FMR1: variants seen among roughly 807,000 people sequenced by gnomAD.
FMR1 encodes FMRP translational regulator 1.
A neutral mutation model predicts 50.6 loss-of-function variants in FMR1; 13 were observed. The observed-to-expected ratio is 0.26, with a 90% CI of 0.17 to 0.41. The LOEUF is 0.41. Ranked by LOEUF, FMR1 falls within the 10% of genes least tolerant of loss-of-function variation. FMR1 has a pLI of 1.00. For synonymous variants in FMR1, 138 were observed against 164.1 expected (o/e 0.84, Z 1.22); for missense variants, 316 against 491.3 (o/e 0.64, Z 3.37).
At chrX:147,920,193 G>A (rs2043089533) in intron 1 of FMR1, among the ~76,000 whole-genome samples, 2 of 111,618 alleles carry the variant, frequency 1.8e-5, no homozygotes, top group African/African-American at 6.5e-5. Flanking sequence ...TTTTTTGTAT[G>A]CAGTATGAGG....
In FMR1 at chrX:147,937,497, A is replaced by G. The variant is rs782705051; in HGVS notation, c.1022A>G (p.Asn341Ser). ...ATGCCACCAAATTCCCTTCCTTCCA[A>G]TAATTCAAGGGTTGGACCTAATGCC... ...EIMPPNSLPS[N>S]NSRVGPNAPE... is the part of the protein sequence containing the mutation. Residue 341 changes from asparagine (N) to serine (S), a missense_variant, in exon 11 of 17, where the codon AAT becomes AGT. This residue lies in a region of FMR1 where 53 missense variants were observed against 51.5 expected (regional missense o/e 1.03). Coordinates refer to ENST00000370475, the MANE Select transcript of FMR1 (RefSeq NM_002024.6). 1.7e-5 allele frequency: 21 copies of G among 1,203,556 alleles called. No homozygotes were observed. The highest frequency in any genetic ancestry group is 2.2e-5 in the Non-Finnish European group (20 of 890,055).
At chrX:147,923,495 A>T (rs1434748975) in intron 2 of FMR1, among the ~76,000 whole-genome samples, 3 of 107,329 alleles carry the variant, frequency 2.8e-5, no homozygotes, top group African/African-American at 6.9e-5. Context: ...TTTATTTGCT[A>T]CTCTTTTAGT....
intron 9 of FMR1, among the ~76,000 whole-genome samples, chrX:147,935,093 T>A (rs1277180459): frequency 8.9e-6 from 1 of 112,079 alleles, no homozygotes; most frequent in African/African-American, 3.2e-5. Flanking sequence ...AGATCTTTAT[T>A]AAAGTCAACA....
At chrX:147,923,615 T>G (rs1370672629) in intron 2 of FMR1, among the ~76,000 whole-genome samples, 1 of 112,210 alleles carries the variant, frequency 8.9e-6, no homozygotes, top group African/African-American at 3.2e-5. Context: ...CTTTTTAATT[T>G]TCAATCAGAT....
intron 1 of FMR1, chrX:147,912,721 G>C (rs146302130): frequency 0.027 from 7,962 of 296,845 alleles, 98 homozygotes; most frequent in South Asian, 0.072. Flanking sequence ...TCTCTTTTCC[G>C]GTCTAGCATT....
intron 14 of FMR1, chrX:147,943,557 A>G: frequency 2.4e-6 from 1 of 412,550 alleles, no homozygotes; most frequent in Non-Finnish European, 4.2e-6. Context: ...GTAAATCTGC[A>G]AAGCCCTTGT....
chrX:147,919,540 A>G (rs2043053256), intron 1 of FMR1, among the ~76,000 whole-genome samples: 1 of 112,634 alleles, frequency 8.9e-6, no homozygotes, highest in African/African-American at 3.2e-5. Context: ...AAAAATAAGC[A>G]AGATCAAAAT....
Position 147,948,687 on chromosome X carries a change from G to A in FMR1, c.1742G>A (p.Arg581Lys), listed in dbSNP as rs1557182616. The A allele has an allele frequency of 8.3e-7, 1 of 1,211,690 alleles. No homozygotes were observed. Among genetic ancestry groups the A allele is most frequent in the South Asian group, 1.8e-5 (1 of 56,983 alleles). Reference sequence around the variant, plus strand: ...AACAACTATAACTTGTTTTAGATCAGAGTTGACTGCAATAATGAAAGGAGT... The same window carrying A: ...AACAACTATAACTTGTTTTAGATCAAAGTTGACTGCAATAATGAAAGGAGT... ...GRTTDGSLQI[R>K]VDCNNERSVH... Residue 581 changes from arginine to lysine, a missense_variant, in exon 17 of 17, where the codon AGA becomes AAA. By Grantham distance (26) the Arg-to-Lys change is conservative. Transcript: ENST00000370475.
At chrX:147,916,978 C>T (rs1557175368) in intron 1 of FMR1, among the ~76,000 whole-genome samples, 1 of 112,254 alleles carries the variant, frequency 8.9e-6, no homozygotes, top group Non-Finnish European at 1.9e-5. Context: ...CCTGCCTCAG[C>T]CCTCCAAAGT....
chrX:147,936,285 C>G (rs2043785740), intron 9 of FMR1, among the ~76,000 whole-genome samples: 1 of 111,800 alleles, frequency 8.9e-6, no homozygotes, highest in Admixed American at 9.5e-5. Flanking sequence ...GGTACCTGAC[C>G]AAAGGAGTTT....
intron 1 of FMR1, among the ~76,000 whole-genome samples, chrX:147,919,104 A>G (rs1444726756): frequency 8.9e-6 from 1 of 112,045 alleles, no homozygotes; most frequent in Non-Finnish European, 1.9e-5. Context: ...TATAAACATT[A>G]TGAAACCTTA....
At chrX:147,915,156 A>G (rs1331414356) in intron 1 of FMR1, among the ~76,000 whole-genome samples, 8 of 111,804 alleles carry the variant, frequency 7.2e-5, no homozygotes, top group Non-Finnish European at 9.4e-5. Flanking sequence ...TTTTAAGTTC[A>G]GTGTTTGAGG....
At chrX:147,945,920 A>T (rs1287362714) in intron 16 of FMR1, among the ~76,000 whole-genome samples, 1 of 111,440 alleles carries the variant, frequency 9.0e-6, no homozygotes, top group East Asian at 2.8e-4. Flanking sequence ...TTTGTTGCCC[A>T]GGCTGGAGTG....
chrX:147,939,592 A>AT (rs1175916671), intron 12 of FMR1, among the ~76,000 whole-genome samples: 45 of 107,221 alleles, frequency 4.2e-4, no homozygotes, highest in East Asian at 1.2e-3. Context: ...TTTCATTTTG[A>AT]TTTTTTTTTT....
chrX:147,918,734 A>G (rs1367883369), intron 1 of FMR1, among the ~76,000 whole-genome samples: 1 of 110,345 alleles, frequency 9.1e-6, no homozygotes, highest in African/African-American at 3.3e-5. Context: ...GGCTGATATT[A>G]TAGTGCTTTT....
Position 147,911,964 on chromosome X carries a change from G to T in FMR1, c.-216G>T, listed in dbSNP as rs1931571387. Reference sequence around the variant, plus strand: ...CGTTTCGGTTTCACTTCCGGTGGAGGGCCGCCTCTGAGCGGGCGGCGGGCC... The same window carrying T: ...CGTTTCGGTTTCACTTCCGGTGGAGTGCCGCCTCTGAGCGGGCGGCGGGCC... On this transcript the variant is annotated 5_prime_UTR_variant, in exon 1 of 17. Transcript: ENST00000370475. The T allele has an allele frequency of 9.1e-6, 1 of 109,897 alleles. No individual in the cohort carries two copies. Among genetic ancestry groups the T allele is most frequent in the South Asian group, 3.6e-4 (1 of 2,801 alleles). The allele number at this position is 109,897 out of a possible 1,213,427, so 9.1% of individuals were successfully genotyped here.
intron 2 of FMR1, 111 bp from the exon 3 acceptor site, chrX:147,925,429 G>T: frequency 1.7e-6 from 1 of 603,279 alleles, no homozygotes. Flanking sequence ...TTTGCTTCTT[G>T]AAACTAGAAA....
At chrX:147,948,570 A>G (rs1362978751) in intron 16 of FMR1, 113 bp from the exon 17 acceptor site, 3 of 1,169,160 alleles carry the variant, frequency 2.6e-6, no homozygotes, top group African/African-American at 1.8e-5. Flanking sequence ...TCTCATCTCC[A>G]TTTCTCTTTT....
intron 7 of FMR1, among the ~76,000 whole-genome samples, chrX:147,931,395 A>G (rs923144378): frequency 3.6e-5 from 4 of 112,008 alleles, no homozygotes; most frequent in African/African-American, 1.3e-4. Context: ...ATTATTTTAT[A>G]GATTTTATTA....
Sources: allele counts gnomAD v4.1 joint callset (sites outside exome capture counted in the v4.1 genomes callset), GRCh38; gene constraint gnomAD v4.1.1; regional missense constraint gnomAD v4.1.1; transcripts MANE v1.5; gene names NCBI Gene and HGNC (gene_info 2026-07-23, HGNC 2026-07-21).